Variants in MYO1G observed in about 807,000 individuals in gnomAD.
MYO1G encodes the protein myosin IG.
In MYO1G, 65 loss-of-function variants were observed where a neutral mutation model predicts 115.3. The ratio of observed to expected loss-of-function variants is 0.56; its 90% CI spans 0.46 to 0.69. The LOEUF (loss-of-function observed/expected upper bound fraction) is 0.69. Ranked by LOEUF, MYO1G falls within the 30% of genes least tolerant of loss-of-function variation. MYO1G has a pLI of 0.00. For synonymous variants in MYO1G, 510 were observed against 552.6 expected (o/e 0.92, Z 1.08); for missense variants, 1,204 against 1,393.5 (o/e 0.86, Z 2.16).
chr7:44,965,920 A>C (rs981994655), intron 16 of MYO1G, 60 bp from the exon 17 acceptor site: 12 of 1,564,762 alleles, frequency 7.7e-6, no homozygotes, highest in Non-Finnish European at 1.0e-5. Context: ...TAACCCTTAG[A>C]CCCAAACCTG....
chr7:44,963,239 C>T lies in MYO1G; in HGVS notation c.2746-115G>A, dbSNP rs1794781092. 2 of 1,283,166 alleles carry T rather than the reference C, an allele frequency of 1.6e-6. No homozygotes were observed. Among genetic ancestry groups the T allele is most frequent in the East Asian group, 3.1e-5 (1 of 32,090 alleles). The allele number at this position is 1,283,166 out of a possible 1,614,324, so 79.5% of individuals were successfully genotyped here. A position where few individuals can be genotyped will look rare whatever the true frequency, so the allele number is the denominator to read the frequency against. ...ACCCCCAACCGCACCCGGGGAGCGC[C>T]GCCCTCGCCAGGGCCACCAGCCCCC... On this transcript the variant is annotated intron_variant, in intron 20 of 21. Coordinates refer to ENST00000258787, the MANE Select transcript of MYO1G (RefSeq NM_033054.3). The surrounding 1 kb of genome is among the most constrained non-coding windows in gnomAD (Gnocchi z 4.1).
chr7:44,968,377 GTCCTGGGCC>G (rs1794890364), intron 12 of MYO1G: 1 of 181,416 alleles, frequency 5.5e-6, no homozygotes, highest in African/African-American at 2.4e-5. Flanking sequence ...GAACTCCTGA[GTCCTGGGCC>G]TATTTTGATC....
intron 5 of MYO1G, chr7:44,973,062 G>A (rs903593204): frequency 5.1e-4 from 78 of 152,280 alleles, no homozygotes; most frequent in African/African-American, 1.7e-3. Context: ...TGGAGAGTTT[G>A]TGGAGACATC....
At chr7:44,973,082 C>T (rs559815551) in intron 5 of MYO1G, 5 of 152,284 alleles carry the variant, frequency 3.3e-5, no homozygotes, top group East Asian at 1.9e-4. Context: ...CGCCCATGTC[C>T]GAGGGAGCTC....
rs1277589886 is a variant in MYO1G at position 44,966,466 on chromosome 7, T to C, written c.1950-186A>G. On this transcript the variant is annotated intron_variant, in intron 15 of 21. Transcript: ENST00000258787. The surrounding 1 kb of genome is among the most constrained non-coding windows in gnomAD (Gnocchi z 5.0). ...CATACATGTCCTCACACAGCCCTCA[T>C]ACCCATGTTCCCACCTGTATGTCCC... 10 of 813,966 alleles carry C rather than the reference T, an allele frequency of 1.2e-5. No individual in the cohort carries two copies. In the African/African-American group the frequency reaches 1.3e-4, roughly 11 times the overall value. The allele number at this position is 813,966 out of a possible 1,614,324, so 50.4% of individuals were successfully genotyped here.
At position 44,978,940 on chromosome 7, in the gene MYO1G, C is replaced by T; in HGVS notation, c.22G>A (p.Glu8Lys). 1 of 1,614,174 alleles carries T rather than the reference C, an allele frequency of 6.2e-7. No homozygotes were observed. The highest frequency in any genetic ancestry group is 8.5e-7 in the Non-Finnish European group (1 of 1,180,008). Reference protein sequence around the residue: MEDEEGPEYGKPDFVLLD... With the variant: MEDEEGPKYGKPDFVLLD... The stretch of plus-strand genomic sequence containing the variant: ...AGCACAAAGTCAGGTTTGCCATACT[C>T]AGGGCCTTCCTCGTCCTCCATCCTG... Residue 8 changes from glutamate to lysine, a missense_variant, in exon 1 of 22, where the codon GAG becomes AAG. By Grantham distance (56) the Glu-to-Lys change is moderately conservative. Transcript: ENST00000258787.
Position 44,966,752 on chromosome 7 carries a change from T to G in MYO1G, c.1869A>C (p.Ala623=). 1.9e-6 allele frequency: 3 copies of G among 1,613,524 alleles called. No individual in the cohort carries two copies. In the East Asian group the frequency reaches 6.7e-5, roughly 36 times the overall value. The part of the protein sequence containing the change: ...LDENHCRHQV[A]YLGLLENVRV... Reference sequence around the variant, plus strand: ...TCACATTCTCCAGCAGCCCCAGGTATGCGACCTGGTGGCGACAGTGGTTCT... The same window carrying G: ...TCACATTCTCCAGCAGCCCCAGGTAGGCGACCTGGTGGCGACAGTGGTTCT... The change falls in exon 15 of 22, where the codon GCA becomes GCC. Residue 623 remains alanine, a synonymous_variant. Transcript: ENST00000258787. This position sits in a 1 kb window ranked among gnomAD's most constrained non-coding sequence, Gnocchi z 5.0.
rs1418836884 is a variant in MYO1G, at chr7:44,962,675, G to A, written c.*64C>T. 2.3e-5 allele frequency: 33 copies of A among 1,428,732 alleles called. No individual in the cohort carries two copies. Among genetic ancestry groups the A allele is most frequent in the Non-Finnish European group, 2.8e-5 (31 of 1,099,798 alleles). 88.5% of individuals were successfully genotyped at this position (1,428,732 alleles called of 1,614,324 possible). On this transcript the variant is annotated 3_prime_UTR_variant, in exon 22 of 22. Transcript: ENST00000258787. The surrounding 1 kb of genome is among the most constrained non-coding windows in gnomAD (Gnocchi z 5.3). The stretch of plus-strand genomic sequence containing the variant: ...GGCGAGCAGGAGGGCTGACTCAGAA[G>A]GTTTATTTGCAGCGCTGGCGGGGCG...
intron 2 of MYO1G, 85 bp downstream of exon 2, chr7:44,976,778 G>A (rs1795056825): frequency 1.9e-6 from 3 of 1,577,236 alleles, no homozygotes; most frequent in African/African-American, 2.7e-5. Flanking sequence ...TCAGGACACA[G>A]GGCACAGGAG....
At position 44,969,991 on chromosome 7, in the gene MYO1G, G is replaced by T; in HGVS notation, c.1332+49C>A. On this transcript the variant is annotated intron_variant, in intron 10 of 21. Coordinates refer to ENST00000258787, the MANE Select transcript of MYO1G (RefSeq NM_033054.3). This position sits in a 1 kb window ranked among gnomAD's most constrained non-coding sequence, Gnocchi z 5.0. ...CCCGGGCCCCTCCCCATGGGCTGAG[G>T]CCCCTCCACACCCCACTGCCTGGCC... is the stretch of plus-strand genomic sequence containing the variant. 1 of 1,600,084 alleles carries T rather than the reference G, an allele frequency of 6.2e-7. No individual in the cohort carries two copies.
Position 44,963,037 on chromosome 7 carries a change from G to A in MYO1G, c.2833C>T (p.Arg945Cys). Residue 945 changes from arginine (R) to cysteine (C), a missense_variant, in exon 21 of 22, where the codon CGC becomes TGC. Transcript: ENST00000258787. This position sits in a 1 kb window ranked among gnomAD's most constrained non-coding sequence, Gnocchi z 4.1. ...CGGTTGTCCAATGGCGGCCGGGAGC[G>A]GTGCAGGCACACCACGAGGTCGTCC... is the stretch of plus-strand genomic sequence containing the variant. ...GQDDLVVCLH[R>C]SRPPLDNRVG... 6.5e-7 allele frequency: 1 copy of A among 1,530,552 alleles called. No homozygotes were observed. Among genetic ancestry groups the A allele is most frequent in the Non-Finnish European group, 8.7e-7 (1 of 1,143,616 alleles). 94.8% of individuals were successfully genotyped at this position (1,530,552 alleles called of 1,614,324 possible).
chr7:44,965,172 C>G, intron 17 of MYO1G, 83 bp from the exon 18 acceptor site: 1 of 1,527,054 alleles, frequency 6.5e-7, no homozygotes, highest in African/African-American at 1.4e-5. Flanking sequence ...GGAAGCTGAG[C>G]CCTCAGCCTG....
At chr7:44,974,063 C>G (rs1583794292) in intron 5 of MYO1G, 1 of 148,730 alleles carries the variant, frequency 6.7e-6, no homozygotes, top group East Asian at 2.0e-4. Context: ...TGCAGACTCA[C>G]TGGAAAGACA....
intron 1 of MYO1G, among the ~76,000 whole-genome samples, chr7:44,977,416 G>C (rs756589905): frequency 6.6e-6 from 1 of 152,204 alleles, no homozygotes; most frequent in African/African-American, 2.4e-5. Context: ...GCTGGCTCCT[G>C]GGGTGAACCC....
chr7:44,970,522 A>G, intron 9 of MYO1G, 70 bp downstream of exon 9: 1 of 1,589,896 alleles, frequency 6.3e-7, no homozygotes, highest in Non-Finnish European at 8.6e-7. Flanking sequence ...GCCCCAGCCG[A>G]GCTTTCCAGA....
At chr7:44,970,768 G>A in intron 8 of MYO1G, 31 bp from the exon 9 acceptor site, 1 of 1,613,492 alleles carries the variant, frequency 6.2e-7, no homozygotes, top group Non-Finnish European at 8.5e-7. Context: ...GCTTCCTGCT[G>A]CCTCTGGCCT....
In MYO1G at chr7:44,970,817, T is replaced by G; in HGVS notation, c.1071+18A>C. The G allele has an allele frequency of 3.7e-6, 6 of 1,613,656 alleles. No homozygotes were observed. Among genetic ancestry groups the G allele is most frequent in the Non-Finnish European group, 5.1e-6 (6 of 1,179,988 alleles). ...AAGGCCTCCTGGGCTTCCCTCCCTG[T>G]GCCTGCCCCCAAAGTACCTTGGCAC... On this transcript the variant is annotated intron_variant, in intron 8 of 21. Transcript: ENST00000258787.
At chr7:44,968,285 C>G (rs1337777846) in intron 12 of MYO1G, among the ~76,000 whole-genome samples, 1 of 152,208 alleles carries the variant, frequency 6.6e-6, no homozygotes, top group Non-Finnish European at 1.5e-5. Flanking sequence ...CACTCAACCT[C>G]TCTGTGCTTC....
At position 44,965,358 on chromosome 7, in the gene MYO1G, C is replaced by G. The variant is rs569489092; in HGVS notation, c.2382-269G>C. Among the ~76,000 whole-genome samples, 43 of 152,242 alleles carry G rather than the reference C, an allele frequency of 2.8e-4. 1 individual carries two copies. Among genetic ancestry groups the G allele is most frequent in the Non-Finnish European group, 5.3e-4 (36 of 68,042 alleles). Reference sequence around the variant, plus strand: ...AACTCCTACTCAGCCCTCAAGACCCCGCTCAGATGCAGAATCCCCTTACTT... The same window carrying G: ...AACTCCTACTCAGCCCTCAAGACCCGGCTCAGATGCAGAATCCCCTTACTT... On this transcript the variant is annotated intron_variant, in intron 17 of 21. Transcript: ENST00000258787.
Sources: allele counts gnomAD v4.1 joint callset (sites outside exome capture counted in the v4.1 genomes callset), GRCh38; gene constraint gnomAD v4.1.1; non-coding constraint Gnocchi (gnomAD v3.1); transcripts MANE v1.5; gene names NCBI Gene and HGNC (gene_info 2026-07-23, HGNC 2026-07-21).